The following PALM2AKAP2 variants were observed in gnomAD, a reference collection of about 807,000 sequenced individuals.
PALM2AKAP2 encodes the protein PALM2 and AKAP2 fusion.
A neutral mutation model predicts 71.5 loss-of-function variants in PALM2AKAP2; 37 were observed. The ratio of observed to expected loss-of-function variants is 0.52; its 90% CI spans 0.40 to 0.68. The LOEUF is 0.68. PALM2AKAP2 is among the 30% of genes least tolerant of loss of function. The pLI, the probability that PALM2AKAP2 is intolerant of heterozygous loss-of-function variation, is 0.00. For synonymous variants in PALM2AKAP2, 468 were observed against 478.8 expected (o/e 0.98, Z 0.29); for missense variants, 1,224 against 1,191.8 (o/e 1.03, Z -0.40).
intron 2 of PALM2AKAP2, among the ~76,000 whole-genome samples, chr9:109,872,917 C>T (rs1384793309): frequency 3.3e-5 from 5 of 152,232 alleles, no homozygotes; most frequent in African/African-American, 4.8e-5. Context: ...TGTTTCCATA[C>T]CCAGAGCTTG....
chr9:109,694,200 C>G (rs1025469891), intron 1 of PALM2AKAP2, among the ~76,000 whole-genome samples: 1 of 151,980 alleles, frequency 6.6e-6, no homozygotes, highest in Non-Finnish European at 1.5e-5. Flanking sequence ...AAGTTATGTA[C>G]AGGCTAGACC....
intron 1 of PALM2AKAP2, among the ~76,000 whole-genome samples, chr9:110,124,522 G>T (rs1175528402): frequency 6.6e-6 from 1 of 152,212 alleles, no homozygotes; most frequent in Admixed American, 6.5e-5. Context: ...GAGTTCCAGG[G>T]AACGAGGTGG....
intron 6 of PALM2AKAP2, among the ~76,000 whole-genome samples, chr9:109,942,513 A>G (rs1330552049): frequency 6.6e-6 from 1 of 152,242 alleles, no homozygotes; most frequent in Non-Finnish European, 1.5e-5. Context: ...GCTGTGTTAC[A>G]ATACAGATAT....
At chr9:110,051,281 C>G (rs2132504342) in intron 1 of PALM2AKAP2, among the ~76,000 whole-genome samples, 1 of 152,294 alleles carries the variant, frequency 6.6e-6, no homozygotes, top group East Asian at 1.9e-4. Flanking sequence ...GCCTCAGGAC[C>G]TCTGGCTAAT....
chr9:109,982,247 T>A (rs995159716), intron 6 of PALM2AKAP2, among the ~76,000 whole-genome samples: 2 of 152,098 alleles, frequency 1.3e-5, no homozygotes, highest in African/African-American at 2.4e-5. Flanking sequence ...GACTAAAAAT[T>A]AAAACAATTG....
At chr9:109,833,367 GAAA>G (rs1185645141) in intron 1 of PALM2AKAP2, among the ~76,000 whole-genome samples, 1 of 152,066 alleles carries the variant, frequency 6.6e-6, no homozygotes, top group Non-Finnish European at 1.5e-5. Flanking sequence ...AAACAAAAAA[GAAA>G]AAATAAAACA....
intron 1 of PALM2AKAP2, among the ~76,000 whole-genome samples, chr9:110,088,703 GTTTTTTTTTTTTTTTTTTTTT>G (rs71373964): frequency 1.3e-5 from 1 of 75,574 alleles, no homozygotes; most frequent in African/African-American, 4.0e-5. Context: ...GCATTTACGT[GTTTTTTTTTTTTTTTTTTTTT>G]TTTTTTTTTT....
chr9:109,757,817 T>G (rs887060259), intron 1 of PALM2AKAP2, among the ~76,000 whole-genome samples: 1 of 152,130 alleles, frequency 6.6e-6, no homozygotes, highest in Non-Finnish European at 1.5e-5. Flanking sequence ...AAGGGATAGA[T>G]CCCAGATTTC....
chr9:110,152,138 G>A (rs1407775176), intron 2 of PALM2AKAP2, among the ~76,000 whole-genome samples: 1 of 152,166 alleles, frequency 6.6e-6, no homozygotes, highest in Non-Finnish European at 1.5e-5. Flanking sequence ...TCAGGAGGCT[G>A]AGGCAGGAGA....
chr9:110,155,738 GA>G (rs1836436760), intron 2 of PALM2AKAP2, among the ~76,000 whole-genome samples: 1 of 152,186 alleles, frequency 6.6e-6, no homozygotes, highest in Non-Finnish European at 1.5e-5. Flanking sequence ...GGCAAACTGA[GA>G]AGAACAAACT....
chr9:109,959,816 A>G (rs1402462461), intron 6 of PALM2AKAP2, among the ~76,000 whole-genome samples: 1 of 152,038 alleles, frequency 6.6e-6, no homozygotes, highest in Non-Finnish European at 1.5e-5. Flanking sequence ...AATTTCCCTC[A>G]TTGAATGTTG....
intron 1 of PALM2AKAP2, among the ~76,000 whole-genome samples, chr9:109,771,088 G>A (rs1829253785): frequency 6.6e-6 from 1 of 152,172 alleles, no homozygotes; most frequent in Non-Finnish European, 1.5e-5. Flanking sequence ...TGATCATGGT[G>A]GCTTATGGGA....
intron 1 of PALM2AKAP2, among the ~76,000 whole-genome samples, chr9:110,130,363 TG>T (rs1835706308): frequency 6.6e-6 from 1 of 152,226 alleles, no homozygotes; most frequent in African/African-American, 2.4e-5. Flanking sequence ...CTCTGGTCTT[TG>T]GACGCTAAAC....
chr9:109,712,263 C>A (rs2118611027), intron 1 of PALM2AKAP2, among the ~76,000 whole-genome samples: 1 of 152,276 alleles, frequency 6.6e-6, no homozygotes, highest in East Asian at 1.9e-4. Context: ...AAAACATTAT[C>A]CATGTATTAT....
At chr9:109,736,949 C>T (rs76060270) in intron 1 of PALM2AKAP2, among the ~76,000 whole-genome samples, 4 of 152,190 alleles carry the variant, frequency 2.6e-5, no homozygotes, top group Admixed American at 2.0e-4. Context: ...CTACCACTGT[C>T]GCCGTCTCTT....
intron 1 of PALM2AKAP2, among the ~76,000 whole-genome samples, chr9:109,840,701 G>A (rs1336723665): frequency 6.6e-6 from 1 of 152,082 alleles, no homozygotes; most frequent in Non-Finnish European, 1.5e-5. Flanking sequence ...TCAACACGTG[G>A]GCAAAGGATA....
At chr9:109,937,047 C>T (rs1831236042) in intron 6 of PALM2AKAP2, among the ~76,000 whole-genome samples, 1 of 152,166 alleles carries the variant, frequency 6.6e-6, no homozygotes, top group Non-Finnish European at 1.5e-5. Context: ...GTGTCGGTTA[C>T]TCTTGTTCCC....
chr9:109,703,912 G>A (rs554773543), intron 1 of PALM2AKAP2, among the ~76,000 whole-genome samples: 1 of 152,226 alleles, frequency 6.6e-6, no homozygotes, highest in African/African-American at 2.4e-5. Flanking sequence ...TAGACTGAAG[G>A]TCATACAAAA....
intron 1 of PALM2AKAP2, among the ~76,000 whole-genome samples, chr9:109,687,327 A>G (rs1323114734): frequency 2.6e-5 from 4 of 152,242 alleles, no homozygotes; most frequent in Non-Finnish European, 5.9e-5. Context: ...CTCTTCTTCT[A>G]ATAGAAGGCT....
Sources: allele counts gnomAD v4.1 joint callset (sites outside exome capture counted in the v4.1 genomes callset), GRCh38; gene constraint gnomAD v4.1.1; transcripts MANE v1.5; gene names NCBI Gene and HGNC (gene_info 2026-07-23, HGNC 2026-07-21).